The following DAD1 variants were observed in gnomAD, a reference collection of about 807,000 sequenced individuals.
DAD1 encodes the protein defender against cell death 1, also known as dolichyl-diphosphooligosaccharide--protein glycosyltransferase subunit DAD1.
Under a neutral mutation model 9.0 loss-of-function variants are expected in DAD1, and 4 were observed. That is an observed-to-expected ratio of 0.44 (90% confidence interval 0.22 to 1.01). The LOEUF is 1.01. Among genes scored for constraint, DAD1 ranks in the 50% least tolerant of loss-of-function variants. DAD1 has a pLI of 0.24. For missense variants in DAD1, 119 were observed against 137.3 expected (o/e 0.87, Z 0.67); for synonymous variants, 60 against 62.5 (o/e 0.96, Z 0.19).
chr14:22,584,405 G>C (rs892274206), intron 1 of DAD1, among the ~76,000 whole-genome samples: 3 of 152,058 alleles, frequency 2.0e-5, no homozygotes, highest in Non-Finnish European at 2.9e-5. Flanking sequence ...ATCTGCTGGA[G>C]AGTCAGGGAA....
chr14:22,583,150 A>C (rs939173055), intron 1 of DAD1, among the ~76,000 whole-genome samples: 2 of 152,190 alleles, frequency 1.3e-5, no homozygotes, highest in Admixed American at 1.3e-4. Context: ...TCAAGTTGGC[A>C]ACTGGATTTA....
intron 1 of DAD1, among the ~76,000 whole-genome samples, chr14:22,577,898 AACTATAC>A (rs2037088694): frequency 1.3e-5 from 2 of 152,226 alleles, no homozygotes; most frequent in African/African-American, 4.8e-5. Context: ...AATGCCACAG[AACTATAC>A]ACTTAAAAAT....
chr14:22,571,293 A>G (rs935558579), intron 2 of DAD1, among the ~76,000 whole-genome samples: 1 of 147,196 alleles, frequency 6.8e-6, no homozygotes, highest in Non-Finnish European at 1.5e-5. Flanking sequence ...TAGCCTGGGC[A>G]AGACAGTAAG....
At chr14:22,571,025 T>A (rs58172290) in intron 2 of DAD1, among the ~76,000 whole-genome samples, 6,179 of 149,204 alleles carry the variant, frequency 0.041, 430 homozygotes, top group African/African-American at 0.14. Context: ...TTTTTTTTTT[T>A]AAAAAAGAGT....
intron 1 of DAD1, among the ~76,000 whole-genome samples, chr14:22,585,415 A>T (rs139719724): frequency 5.2e-4 from 79 of 152,348 alleles, no homozygotes; most frequent in African/African-American, 1.9e-3. Flanking sequence ...GGTTGCCAAC[A>T]CTGGAATATA....
chr14:22,582,623 A>G (rs1022039926), intron 1 of DAD1, among the ~76,000 whole-genome samples: 1 of 152,240 alleles, frequency 6.6e-6, no homozygotes, highest in African/African-American at 2.4e-5. Flanking sequence ...CATACAGGCT[A>G]TATTTTGGAG....
intron 2 of DAD1, among the ~76,000 whole-genome samples, chr14:22,566,321 C>G (rs931285359): frequency 2.0e-5 from 3 of 151,346 alleles, no homozygotes; most frequent in Non-Finnish European, 1.5e-5. Flanking sequence ...AGACTATCAG[C>G]CAATATAACA....
chr14:22,572,896 G>C (rs562769224), intron 2 of DAD1, among the ~76,000 whole-genome samples: 1 of 152,304 alleles, frequency 6.6e-6, no homozygotes, highest in South Asian at 2.1e-4. Flanking sequence ...ACTCATATTT[G>C]CAAGCGTGAG....
rs1202459597 is a variant in DAD1 at position 22,589,070 on chromosome 14, A to C, written c.88T>G (p.Tyr30Asp). ...TPQRLKLLDA[Y>D]LLYILLTGAL... is the part of the protein sequence containing the mutation. ...CCGGTCAGCAGTATATACAGCAGGT[A>C]CGCGTCCAGCAACTTCAGACGCTGC... The change falls in exon 1 of 3, where the codon TAC (tyrosine) becomes GAC (aspartate). Residue 30 changes from tyrosine (Y) to aspartate (D), a missense_variant. Coordinates refer to ENST00000250498, the MANE Select transcript of DAD1 (RefSeq NM_001344.4). The C allele has an allele frequency of 2.5e-6, 4 of 1,614,136 alleles. No individual in the cohort carries two copies. The highest frequency in any genetic ancestry group is 3.4e-6 in the Non-Finnish European group (4 of 1,180,048).
chr14:22,581,957 C>G (rs1316465668), intron 1 of DAD1, among the ~76,000 whole-genome samples: 3 of 151,824 alleles, frequency 2.0e-5, no homozygotes, highest in African/African-American at 7.3e-5. Context: ...AATCCCAGCA[C>G]TTTGGGAGGC....
chr14:22,588,802 C>T, intron 1 of DAD1, 145 bp downstream of exon 1: 1 of 844,870 alleles, frequency 1.2e-6, no homozygotes. Context: ...CTTTCTGAGC[C>T]TCAATTTCCC....
chr14:22,586,199 CAAAA>C (rs11357700), intron 1 of DAD1, among the ~76,000 whole-genome samples: 1 of 122,476 alleles, frequency 8.2e-6, no homozygotes. Context: ...GACTCCGTCT[CAAAA>C]AAAAAAAAAA....
chr14:22,582,240 C>T (rs763783707), intron 1 of DAD1, among the ~76,000 whole-genome samples: 1 of 150,440 alleles, frequency 6.6e-6, no homozygotes, highest in East Asian at 2.0e-4. Context: ...ATAGGCCAGG[C>T]GCAGTGGCTC....
At chr14:22,575,762 TG>T (rs1158572441) in intron 1 of DAD1, among the ~76,000 whole-genome samples, 1 of 152,192 alleles carries the variant, frequency 6.6e-6, no homozygotes, top group Non-Finnish European at 1.5e-5. Context: ...CTGACCAGGC[TG>T]GTCTCGAACT....
At chr14:22,588,833 T>C (rs1251399903) in intron 1 of DAD1, 114 bp downstream of exon 1, 2 of 1,057,758 alleles carry the variant, frequency 1.9e-6, no homozygotes, top group Non-Finnish European at 1.3e-6. Context: ...AAAAGGGCAA[T>C]GCAGGCTCTT....
chr14:22,588,815 T>C, intron 1 of DAD1, 132 bp downstream of exon 1: 1 of 902,140 alleles, frequency 1.1e-6, no homozygotes, highest in Non-Finnish European at 1.6e-6. Flanking sequence ...AATTTCCCCA[T>C]TCACAACAAA....
chr14:22,568,292 T>C (rs2037014513), intron 2 of DAD1, among the ~76,000 whole-genome samples: 1 of 152,266 alleles, frequency 6.6e-6, no homozygotes, highest in African/African-American at 2.4e-5. Flanking sequence ...GTGGAATGTA[T>C]GTGAATCCTA....
intron 1 of DAD1, among the ~76,000 whole-genome samples, chr14:22,579,220 CAA>C (rs5807179): frequency 1.6e-5 from 2 of 123,980 alleles, no homozygotes; most frequent in Non-Finnish European, 3.6e-5. Context: ...TCACCATTGA[CAA>C]AAAAAAAAAA....
chr14:22,567,081 C>T (rs2037006468), intron 2 of DAD1: 1 of 152,182 alleles, frequency 6.6e-6, no homozygotes, highest in African/African-American at 2.4e-5. Flanking sequence ...AAAATGAAGA[C>T]ACCTACTGAG....
Sources: allele counts gnomAD v4.1 joint callset (sites outside exome capture counted in the v4.1 genomes callset), GRCh38; gene constraint gnomAD v4.1.1; transcripts MANE v1.5; gene names NCBI Gene and HGNC (gene_info 2026-07-23, HGNC 2026-07-21).